CCDC171: variants seen among roughly 807,000 people sequenced by gnomAD.
The protein encoded by CCDC171 is coiled-coil domain-containing protein 171.
In CCDC171, 177 loss-of-function variants were observed where a neutral mutation model predicts 168.2. The ratio of observed to expected loss-of-function variants is 1.05; its 90% CI spans 0.93 to 1.19. The LOEUF is 1.19. CCDC171 is among the 50% of genes most tolerant of loss of function. The pLI, the probability that CCDC171 is intolerant of heterozygous loss-of-function variation, is 0.00. For synonymous variants in CCDC171, 687 were observed against 540.8 expected, an observed-to-expected ratio of 1.27 and a Z score of -3.75; for missense variants, 1,991 against 1,539.0, an observed-to-expected ratio of 1.29 and a Z score of -4.91.
intron 24 of CCDC171, among the ~76,000 whole-genome samples, chr9:15,911,031 C>T (rs1823553889): frequency 6.6e-6 from 1 of 152,142 alleles, no homozygotes; most frequent in African/African-American, 2.4e-5. Context: ...TTTATAGTAG[C>T]ATGATTTATA....
Position 15,985,256 on chromosome 9 carries a change from G to GT in CCDC171, n.369-35324dup, listed in dbSNP as rs547261078. 5.8e-3 allele frequency among the ~76,000 whole-genome samples: 882 copies of GT among 151,252 alleles called. 8 individuals are homozygous for GT. Among genetic ancestry groups the GT allele is most frequent in the Non-Finnish European group, 9.6e-3 (649 of 67,670 alleles). ...ATAATGCAGTACACCAAGTGAAAAG[G>GT]TTTTTTTTTGGACCAATCATACAAA... On this transcript the variant is annotated intron_variant and non_coding_transcript_variant, in intron 3 of 9. Coordinates refer to the CCDC171 transcript ENST00000486641.
In CCDC171 at chr9:15,856,142, T is replaced by C. The variant is rs1441407766; in HGVS notation, c.3468+7195T>C. On this transcript the variant is annotated intron_variant, in intron 23 of 25. Coordinates refer to ENST00000380701, the MANE Select transcript of CCDC171 (RefSeq NM_173550.4). ...TTCTGTTTATCTTGGAATGTCTTAA[T>C]TTCTCCTTCGTTAGAAAAAATTTTA... Among the ~76,000 whole-genome samples the C allele has an allele frequency of 1.3e-5, 2 of 151,970 alleles. 1 individual carries two copies. The highest frequency in any genetic ancestry group is 4.8e-5 in the African/African-American group (2 of 41,396).
chr9:15,871,507 TACTTCAAA>T (rs2062037542), intron 23 of CCDC171, among the ~76,000 whole-genome samples: 1 of 151,962 alleles, frequency 6.6e-6, no homozygotes, highest in Non-Finnish European at 1.5e-5. Flanking sequence ...ATTCTAATAT[TACTTCAAA>T]ACTTTTTTTG....
At chr9:15,929,548 CT>C (rs1826263711) in intron 25 of CCDC171, among the ~76,000 whole-genome samples, 1 of 151,696 alleles carries the variant, frequency 6.6e-6, no homozygotes, top group Non-Finnish European at 1.5e-5. Flanking sequence ...TTTTGTTCCA[CT>C]TTCCCTCTAC....
At chr9:15,907,107 A>C (rs995912868) in intron 24 of CCDC171, among the ~76,000 whole-genome samples, 10 of 152,230 alleles carry the variant, frequency 6.6e-5, no homozygotes, top group Non-Finnish European at 1.0e-4. Flanking sequence ...ATTCAATGCC[A>C]TCCCCATCAA....
chr9:15,628,244 C>T (rs149682255), intron 7 of CCDC171, among the ~76,000 whole-genome samples: 8,325 of 152,168 alleles, frequency 0.055, 270 homozygotes, highest in African/African-American at 0.09. Context: ...ACTCGGGAAG[C>T]GCAAGGGGTC....
intron 24 of CCDC171, among the ~76,000 whole-genome samples, chr9:15,917,847 A>G (rs1324906908): frequency 6.6e-6 from 1 of 151,744 alleles, no homozygotes; most frequent in Admixed American, 6.6e-5. Flanking sequence ...TTCAATAAGC[A>G]TTTATGCATG....
intron 4 of CCDC171, among the ~76,000 whole-genome samples, chr9:15,581,331 A>G (rs175762): frequency 0.09 from 13,628 of 152,230 alleles, 1,024 homozygotes; most frequent in African/African-American, 0.21. Flanking sequence ...GGAAGAATCA[A>G]TATTGTGAAA....
intron 24 of CCDC171, among the ~76,000 whole-genome samples, chr9:15,903,513 CA>C (rs1475708668): frequency 2.2e-4 from 33 of 152,108 alleles, no homozygotes; most frequent in African/African-American, 7.7e-4. Context: ...ACATCCACAC[CA>C]AAACCCCATC....
chr9:15,994,403 A>G (rs964362926), intron 3 of CCDC171, among the ~76,000 whole-genome samples: 1 of 152,182 alleles, frequency 6.6e-6, no homozygotes, highest in Admixed American at 6.5e-5. Context: ...ACTTGGACAC[A>G]GGAAGGGGAA....
At chr9:16,000,565 A>T (rs117001039) in intron 3 of CCDC171, among the ~76,000 whole-genome samples, 6 of 152,184 alleles carry the variant, frequency 3.9e-5, no homozygotes, top group Non-Finnish European at 8.8e-5. Context: ...AGAGGGAAAA[A>T]GATATGAAAT....
chr9:15,707,711 C>T (rs2052353571), intron 11 of CCDC171, among the ~76,000 whole-genome samples: 1 of 152,128 alleles, frequency 6.6e-6, no homozygotes, highest in African/African-American at 2.4e-5. Flanking sequence ...TTTCTGGAGA[C>T]GTGAATTTTA....
At chr9:15,864,668 T>C (rs1229346027) in intron 23 of CCDC171, among the ~76,000 whole-genome samples, 4 of 152,128 alleles carry the variant, frequency 2.6e-5, no homozygotes, top group African/African-American at 9.7e-5. Context: ...ATTAAAATAA[T>C]TTCAGGATAG....
chr9:15,859,098 C>T (rs2061451542), intron 23 of CCDC171, among the ~76,000 whole-genome samples: 1 of 151,946 alleles, frequency 6.6e-6, no homozygotes, highest in African/African-American at 2.4e-5. Context: ...TCATGAAAGG[C>T]TATTGAATTT....
chr9:15,735,673 T>C (rs753717973), intron 16 of CCDC171, among the ~76,000 whole-genome samples: 5 of 152,188 alleles, frequency 3.3e-5, no homozygotes, highest in Non-Finnish European at 5.9e-5. Context: ...GTTGAAACTT[T>C]TTTCTTCATA....
chr9:15,885,043 A>G (rs10756714), intron 24 of CCDC171, among the ~76,000 whole-genome samples: 55,022 of 152,048 alleles, frequency 0.36, 12,425 homozygotes, highest in East Asian at 0.62. Context: ...CATGCCATAT[A>G]CTACTATTTA....
intron 16 of CCDC171, among the ~76,000 whole-genome samples, chr9:15,740,188 G>C (rs2054769708): frequency 6.6e-6 from 1 of 151,858 alleles, no homozygotes; most frequent in South Asian, 2.1e-4. Flanking sequence ...TTTACATATA[G>C]ATTTATGGTC....
At chr9:15,950,708 G>C (rs950791159) in intron 25 of CCDC171, among the ~76,000 whole-genome samples, 14 of 151,844 alleles carry the variant, frequency 9.2e-5, no homozygotes, top group Non-Finnish European at 1.8e-4. Context: ...GGAAGACACT[G>C]CATGAACTAA....
chr9:15,595,113 T>C (rs2042246370), intron 6 of CCDC171, among the ~76,000 whole-genome samples: 1 of 152,106 alleles, frequency 6.6e-6, no homozygotes, highest in Non-Finnish European at 1.5e-5. Context: ...AACACAGAAG[T>C]TGACCAAAAA....
Sources: gnomAD v4.1 joint callset for allele counts (sites outside exome capture counted in the v4.1 genomes callset) on GRCh38, gnomAD v4.1.1 for gene constraint, MANE v1.5 for transcripts, NCBI Gene and HGNC (gene_info 2026-07-23, HGNC 2026-07-21) for gene names.